The following ICE2 variants were observed in gnomAD, a reference collection of about 807,000 sequenced individuals.
The protein encoded by ICE2 is interactor of little elongation complex ELL subunit 2.
ICE2 carries 87 observed loss-of-function variants against 105.4 expected under a neutral mutation model. The observed-to-expected ratio is 0.83, with a 90% CI of 0.69 to 0.99. ICE2 has a LOEUF of 0.99. Ranked by LOEUF, ICE2 falls within the 50% of genes least tolerant of loss-of-function variation. The pLI is 0.00. For missense variants in ICE2, 1,323 were observed against 1,146.7 expected, an observed-to-expected ratio of 1.15 and a Z score of -2.22; for synonymous variants, 399 against 392.0, an observed-to-expected ratio of 1.02 and a Z score of -0.21.
intron 2 of ICE2, among the ~76,000 whole-genome samples, chr15:60,476,997 C>A (rs2064780163): frequency 6.6e-6 from 1 of 152,186 alleles, no homozygotes; most frequent in Non-Finnish European, 1.5e-5. Flanking sequence ...AATGTGCATA[C>A]CTCTTACCTA....
intron 13 of ICE2, among the ~76,000 whole-genome samples, chr15:60,435,356 T>C (rs902785092): frequency 2.0e-5 from 3 of 150,946 alleles, no homozygotes; most frequent in African/African-American, 7.3e-5. Flanking sequence ...TCCCAGCACT[T>C]TGGGAGGCCG....
intron 15 of ICE2, among the ~76,000 whole-genome samples, chr15:60,426,516 A>G (rs1399842060): frequency 6.6e-6 from 1 of 152,228 alleles, no homozygotes; most frequent in African/African-American, 2.4e-5. Context: ...CCCTGTCGTT[A>G]AGTGATACAT....
rs779520234 is a variant in ICE2 at position 60,449,030 on chromosome 15, C to G, written c.1937G>C (p.Gly646Ala). Residue 646 changes from glycine to alanine, a missense_variant, in exon 10 of 16, where the codon GGA becomes GCA. By Grantham distance (60) the Gly-to-Ala change is moderately conservative. Coordinates refer to ENST00000261520, the MANE Select transcript of ICE2 (RefSeq NM_024611.6). ...CTCATCCTGCATTTTTAAAATCTCTCCAACTGGATCAAATTTTTTATATAC... is the reference window on the plus strand; with the variant it reads ...CTCATCCTGCATTTTTAAAATCTCTGCAACTGGATCAAATTTTTTATATAC... Reference protein sequence around the residue: ...KRVYKKFDPVGEILKMQDELL... With the variant: ...KRVYKKFDPVAEILKMQDELL... The G allele has an allele frequency of 3.1e-6, 5 of 1,613,534 alleles. No individual in the cohort carries two copies. The Admixed American group carries it at 8.3e-5, about 27-fold the overall frequency.
intron 3 of ICE2, 76 bp downstream of exon 3, chr15:60,475,987 G>C (rs2064750555): frequency 1.1e-6 from 1 of 895,430 alleles, no homozygotes. Flanking sequence ...TTTAATACTA[G>C]AGATACACAT....
At position 60,466,640 on chromosome 15, in the gene ICE2, G is replaced by C; in HGVS notation, c.482C>G (p.Ala161Gly). Reference sequence around the variant, plus strand: ...ATCAGAAAGCATATTATAATCCTGCGCACATTTCTTTGCAGAATTCTGCAA... The same window carrying C: ...ATCAGAAAGCATATTATAATCCTGCCCACATTTCTTTGCAGAATTCTGCAA... ...KFLQNSAKKC[A>G]QDYNMLSDDA... The change falls in exon 5 of 16, where the codon GCG becomes GGG. Residue 161 changes from alanine to glycine, a missense_variant. Ala to Gly is a moderately conservative substitution (Grantham distance 60). Transcript: ENST00000261520. 1.2e-6 allele frequency: 2 copies of C among 1,611,470 alleles called. No homozygotes were observed. Among genetic ancestry groups the C allele is most frequent in the Non-Finnish European group, 1.7e-6 (2 of 1,179,574 alleles).
chr15:60,472,140 G>T (rs1234991582), intron 3 of ICE2, among the ~76,000 whole-genome samples: 2 of 151,636 alleles, frequency 1.3e-5, no homozygotes, highest in African/African-American at 2.4e-5. Context: ...TTTCTTGGGG[G>T]ACTTTCCAAA....
intron 3 of ICE2, among the ~76,000 whole-genome samples, chr15:60,471,907 C>T (rs1489272648): frequency 6.6e-6 from 1 of 151,788 alleles, no homozygotes; most frequent in Non-Finnish European, 1.5e-5. Flanking sequence ...GTCTCCATTT[C>T]AAGTCTACTA....
chr15:60,471,423 C>A (rs1447788995), intron 3 of ICE2, among the ~76,000 whole-genome samples: 1 of 152,204 alleles, frequency 6.6e-6, no homozygotes, highest in Non-Finnish European at 1.5e-5. Flanking sequence ...TCACTCTTAA[C>A]AGTACTGCTT....
At chr15:60,436,612 G>A (rs2063593974) in intron 12 of ICE2, among the ~76,000 whole-genome samples, 1 of 150,538 alleles carries the variant, frequency 6.6e-6, no homozygotes, top group African/African-American at 2.4e-5. Context: ...CTACTCGGAA[G>A]GCTGAGGCAG....
In ICE2 at chr15:60,449,730, C is replaced by T. The variant is rs2141065239; in HGVS notation, c.1237G>A (p.Val413Ile). ...CTTGCTGGACTTGGTGATTTTGATA[C>T]TTTGGTGGTGGTTACTCCAAAAGTT... ...LETFGVTTTK[V>I]SKSPSPASTS... Residue 413 changes from valine (V) to isoleucine (I), a missense_variant, in exon 10 of 16, where the codon GTA becomes ATA. Physicochemically the swap from Val to Ile is conservative, Grantham distance 29. Coordinates refer to ENST00000261520, the MANE Select transcript of ICE2 (RefSeq NM_024611.6). 1 of 1,614,142 alleles carries T rather than the reference C, an allele frequency of 6.2e-7. No homozygotes were observed. Among genetic ancestry groups the T allele is most frequent in the East Asian group, 2.2e-5 (1 of 44,880 alleles).
chr15:60,453,697 T>C lies in ICE2; in HGVS notation c.1031A>G (p.Glu344Gly), dbSNP rs1193892067. ...TMRERNQIFHEVPLKFMMSKN... is the reference protein window; with the variant it reads ...TMRERNQIFHGVPLKFMMSKN... ...GGACATCATAAATTTTAATGGAACT[T>C]CATGAAAGATTTGATTTCTCTCTCT... The change falls in exon 9 of 16, where the codon GAA (glutamate) becomes GGA (glycine). Residue 344 changes from glutamate (E) to glycine (G), a missense_variant. Transcript: ENST00000261520. 1 of 1,612,414 alleles carries C rather than the reference T, an allele frequency of 6.2e-7. No homozygotes were observed. Among genetic ancestry groups the C allele is most frequent in the Admixed American group, 1.7e-5 (1 of 60,024 alleles).
intron 11 of ICE2, chr15:60,447,692 G>A (rs57950217): frequency 0.014 from 3,126 of 226,706 alleles, 100 homozygotes; most frequent in African/African-American, 0.067. Flanking sequence ...GAGCTTAAAA[G>A]TTTTCAAACT....
chr15:60,444,133 A>C (rs1478667661), intron 11 of ICE2, among the ~76,000 whole-genome samples: 2 of 152,088 alleles, frequency 1.3e-5, no homozygotes, highest in Non-Finnish European at 2.9e-5. Context: ...AATTTGCTCA[A>C]GGACACATAG....
At chr15:60,453,304 G>A in intron 9 of ICE2, 3 of 1,109,002 alleles carry the variant, frequency 2.7e-6, no homozygotes, top group South Asian at 7.0e-5. Context: ...CCATCAAGGA[G>A]TTTTCACTAC....
chr15:60,464,628 C>T (rs1183264170), intron 5 of ICE2, among the ~76,000 whole-genome samples: 2 of 151,484 alleles, frequency 1.3e-5, no homozygotes, highest in Non-Finnish European at 2.9e-5. Flanking sequence ...ATGTAAAGGC[C>T]AGTCCGCAGG....
At chr15:60,477,891 C>A (rs551663327) in intron 2 of ICE2, 46 bp downstream of exon 2, 1 of 1,488,786 alleles carries the variant, frequency 6.7e-7, no homozygotes, top group African/African-American at 1.4e-5. Flanking sequence ...AACCATCAGC[C>A]CCACTACACT....
intron 1 of ICE2, 26 bp from the exon 2 acceptor site, chr15:60,478,095 C>G: frequency 1.1e-6 from 1 of 896,804 alleles, no homozygotes; most frequent in Non-Finnish European, 1.8e-6. Flanking sequence ...AGGCCAAGAT[C>G]AAAAGCAAGT....
Position 60,423,677 on chromosome 15 carries a change from A to C in ICE2, c.2906T>G (p.Val969Gly). 6.2e-7 allele frequency: 1 copy of C among 1,610,822 alleles called. No individual in the cohort carries two copies. Among genetic ancestry groups the C allele is most frequent in the Non-Finnish European group, 8.5e-7 (1 of 1,179,396 alleles). ...ATGTGGAGCCACTCCTTCAGTTTCA[A>C]CTTGCTGAGCAGGCAAGCAACTGCT... ...TKSSCLPAQQ[V>G]ETEGVAPHKR... is the part of the protein sequence containing the mutation. Residue 969 changes from valine (V) to glycine (G), a missense_variant, in exon 16 of 16, where the codon GTT (valine) becomes GGT (glycine). By Grantham distance (109) the Val-to-Gly change is moderately radical. Coordinates refer to ENST00000261520, the MANE Select transcript of ICE2 (RefSeq NM_024611.6).
In ICE2 at chr15:60,448,846, A is replaced by G. The variant is rs1200962265; in HGVS notation, c.2119+2T>C. ...GTAAGCTCTTTGTAAATATTTACTT[A>G]CGTCCTTTTGGCTTCTGAAATGCAG... On this transcript the variant is annotated splice_donor_variant, in intron 10 of 15. Coordinates refer to ENST00000261520, the MANE Select transcript of ICE2 (RefSeq NM_024611.6). LOFTEE classifies it high-confidence loss of function. The G allele has an allele frequency of 6.4e-7, 1 of 1,572,180 alleles. No individual in the cohort carries two copies. The highest frequency in any genetic ancestry group is 2.2e-5 in the East Asian group (1 of 44,600).
Sources: gnomAD v4.1 joint callset for allele counts (sites outside exome capture counted in the v4.1 genomes callset) on GRCh38, gnomAD v4.1.1 for gene constraint, MANE v1.5 for transcripts, NCBI Gene and HGNC (gene_info 2026-07-23, HGNC 2026-07-21) for gene names.